CDH26: variants seen among roughly 807,000 people sequenced by gnomAD.
The protein encoded by CDH26 is cadherin 26.
A neutral mutation model predicts 90.3 loss-of-function variants in CDH26; 83 were observed. The ratio of observed to expected loss-of-function variants is 0.92; its 90% confidence interval spans 0.77 to 1.10. The LOEUF is 1.10. Among genes scored for constraint, CDH26 ranks in the 50% least tolerant of loss-of-function variants. The pLI is 0.00. For synonymous variants in CDH26, 397 were observed against 396.3 expected (o/e 1.00, Z -0.02); for missense variants, 1,013 against 1,037.6 (o/e 0.98, Z 0.33).
intron 1 of CDH26, among the ~76,000 whole-genome samples, chr20:59,961,625 A>G (rs2061075941): frequency 6.6e-6 from 1 of 152,058 alleles, no homozygotes. Context: ...AGCTGATACC[A>G]TTTCTGCTGG....
chr20:60,015,038 A>G (rs2061893466), downstream of CDH26, among the ~76,000 whole-genome samples: 1 of 152,354 alleles, frequency 6.6e-6, no homozygotes, highest in East Asian at 1.9e-4. Context: ...GCTGGAGTGC[A>G]GTAGTGCAAT....
At chr20:59,987,265 C>T (rs534443170) in intron 7 of CDH26, among the ~76,000 whole-genome samples, 188 bp from the exon 8 acceptor site, 22 of 152,252 alleles carry the variant, frequency 1.4e-4, no homozygotes, top group African/African-American at 5.1e-4. Flanking sequence ...CTGTAACAGA[C>T]GGAGTTGCAA....
intron 7 of CDH26, among the ~76,000 whole-genome samples, chr20:59,986,662 C>T (rs2061462936): frequency 6.9e-6 from 1 of 145,774 alleles, no homozygotes; most frequent in Non-Finnish European, 1.5e-5. Flanking sequence ...CACACACACT[C>T]AGCTCTCAGC....
In CDH26 at chr20:60,001,364, T is replaced by G. The variant is rs1303809171; in HGVS notation, c.2119T>G (p.Ser707Ala). ...CTAGGATCTCGAGGAAGTGCCTCCA[T>G]CTGCAGCGAGTCAGTCAGCCCAAGC... Reference protein sequence around the residue: ...GVKDLEEVPPSAASQSAQARC... With the variant: ...GVKDLEEVPPAAASQSAQARC... The change falls in exon 15 of 18, where the codon TCT (serine) becomes GCT (alanine). Residue 707 changes from serine (S) to alanine (A), a missense_variant. Transcript: ENST00000348616. 6.2e-7 allele frequency: 1 copy of G among 1,614,034 alleles called. No homozygotes were observed. Among genetic ancestry groups the G allele is most frequent in the East Asian group, 2.2e-5 (1 of 44,876 alleles).
intron 13 of CDH26, among the ~76,000 whole-genome samples, chr20:59,997,327 C>T (rs1234992407): frequency 6.6e-6 from 1 of 152,258 alleles, no homozygotes; most frequent in African/African-American, 2.4e-5. Context: ...GCTCACTGCC[C>T]TTGGAGGTAC....
intron 16 of CDH26, among the ~76,000 whole-genome samples, chr20:60,003,988 C>G (rs1024934034): frequency 6.6e-6 from 1 of 152,212 alleles, no homozygotes; most frequent in African/African-American, 2.4e-5. Context: ...GAGCCCCATG[C>G]TTGGTCAGTG....
At chr20:59,990,387 C>T (rs2061513784) in intron 9 of CDH26, among the ~76,000 whole-genome samples, 1 of 152,082 alleles carries the variant, frequency 6.6e-6, no homozygotes, top group South Asian at 2.1e-4. Flanking sequence ...ATGAGTCATG[C>T]CCCTTCTCTC....
In CDH26 at chr20:60,014,267, C is replaced by CA. The variant is rs1465718088; in HGVS notation, c.*1540dup. ...AGGGTGGTTAACGTAATCATTGGCT[C>CA]AAACATTTTTCATTTCTTTGTATTG... On this transcript the variant is annotated 3_prime_UTR_variant, in exon 18 of 18. Coordinates refer to ENST00000348616, the MANE Select transcript of CDH26 (RefSeq NM_177980.4). 1 of 152,126 alleles carries CA rather than the reference C, an allele frequency of 6.6e-6. No individual in the cohort carries two copies. Among genetic ancestry groups the CA allele is most frequent in the Non-Finnish European group, 1.5e-5 (1 of 68,032 alleles). The allele number at this position is 152,126 out of a possible 1,614,324, so 9.4% of individuals were successfully genotyped here. A position where few individuals can be genotyped will look rare whatever the true frequency, so the allele number is the denominator to read the frequency against.
At chr20:60,024,286 G>A (rs182256635) in intron 7 of CDH26, among the ~76,000 whole-genome samples, 1 of 152,146 alleles carries the variant, frequency 6.6e-6, no homozygotes, top group African/African-American at 2.4e-5. Context: ...GGTACGGCAG[G>A]GGAGATAATA....
exon 9 of CDH26, chr20:60,033,622 A>G (rs1176110349): frequency 7.7e-7 from 1 of 1,304,912 alleles, no homozygotes; most frequent in Admixed American, 2.3e-5. Context: ...GTTTCCCAGG[A>G]GACTACAGAG....
intron 7 of CDH26, 101 bp from the exon 8 acceptor site, chr20:59,987,352 T>C (rs1170054162): frequency 2.1e-6 from 2 of 941,188 alleles, no homozygotes; most frequent in Non-Finnish European, 3.1e-6. Context: ...TCTCCTTCTC[T>C]CTCTTGCTCT....
chr20:59,983,113 C>T (rs748287981), intron 5 of CDH26, 43 bp downstream of exon 5: 47 of 1,594,042 alleles, frequency 2.9e-5, no homozygotes, highest in Non-Finnish European at 4.0e-5. Flanking sequence ...TCTGTCTCTG[C>T]TCTGTTCCTT....
At chr20:60,022,760 T>A (rs2061967913) in intron 7 of CDH26, among the ~76,000 whole-genome samples, 1 of 152,088 alleles carries the variant, frequency 6.6e-6, no homozygotes, top group Admixed American at 6.5e-5. Context: ...GCCAAACAAA[T>A]CTGCTATGAA....
At position 60,021,869 on chromosome 20, in the gene CDH26, C is replaced by CACACACACACAT. The variant is rs1324436057; in HGVS notation, c.948-9351_948-9350insTACACACACACA. On this transcript the variant is annotated intron_variant, in intron 7 of 8. Transcript: ENST00000370991. ...ATCTGTACACACACACACACACACA[C>CACACACACACAT]ACACACACACACACACACACACACA... Among the ~76,000 whole-genome samples, 24 of 102,940 alleles carry CACACACACACAT rather than the reference C, an allele frequency of 2.3e-4. 1 individual carries two copies. Among genetic ancestry groups the CACACACACACAT allele is most frequent in the Non-Finnish European group, 4.0e-4 (18 of 44,780 alleles). 67.5% of individuals were successfully genotyped at this position (102,940 alleles called of 152,430 possible).
chr20:60,034,858 T>TAAAG (rs913015504), downstream of CDH26, among the ~76,000 whole-genome samples: 4 of 152,158 alleles, frequency 2.6e-5, no homozygotes, highest in Non-Finnish European at 5.9e-5. Context: ...TGGTGGAGGC[T>TAAAG]CCGGCACAGG....
chr20:60,031,796 A>G (rs141533094), intron 8 of CDH26, among the ~76,000 whole-genome samples: 72 of 152,008 alleles, frequency 4.7e-4, no homozygotes, highest in African/African-American at 1.7e-3. Flanking sequence ...TCACTTTCCC[A>G]GTTTCTGGTT....
chr20:59,976,351 G>A (rs564334832), intron 4 of CDH26, among the ~76,000 whole-genome samples: 1 of 152,122 alleles, frequency 6.6e-6, no homozygotes, highest in Non-Finnish European at 1.5e-5. Flanking sequence ...ATTGTAACCC[G>A]AATCCCTAGA....
At chr20:59,994,558 C>A in intron 11 of CDH26, 69 bp downstream of exon 11, 2 of 1,562,002 alleles carry the variant, frequency 1.3e-6, no homozygotes, top group Admixed American at 1.9e-5. Context: ...CAGATTTAGG[C>A]AAAAAAGGAC....
chr20:60,002,963 G>C, intron 16 of CDH26, 97 bp downstream of exon 16: 1 of 864,874 alleles, frequency 1.2e-6, no homozygotes, highest in East Asian at 2.8e-5. Flanking sequence ...TGGAAGGAAA[G>C]AGGTGATAAA....
Sources: allele counts gnomAD v4.1 joint callset (sites outside exome capture counted in the v4.1 genomes callset), GRCh38; gene constraint gnomAD v4.1.1; transcripts MANE v1.5; gene names NCBI Gene and HGNC (gene_info 2026-07-23, HGNC 2026-07-21).